The following CEP112 variants were observed in gnomAD, a reference collection of about 807,000 sequenced individuals.
CEP112 encodes the protein centrosomal protein 112, also known as centrosomal protein of 112 kDa.
CEP112 carries 127 observed loss-of-function variants against 153.0 expected under a neutral mutation model. The observed-to-expected ratio is 0.83, with a 90% CI of 0.72 to 0.96. The LOEUF (loss-of-function observed/expected upper bound fraction) is 0.96. Among genes scored for constraint, CEP112 ranks in the 40% least tolerant of loss-of-function variants. CEP112 has a pLI of 0.00. For synonymous variants in CEP112, 358 were observed against 374.4 expected (o/e 0.96, Z 0.51); for missense variants, 1,089 against 1,101.2 (o/e 0.99, Z 0.16).
At chr17:66,162,721 A>G (rs955489453) in intron 4 of CEP112, among the ~76,000 whole-genome samples, 6 of 152,178 alleles carry the variant, frequency 3.9e-5, no homozygotes, top group South Asian at 4.1e-4. Flanking sequence ...AACATAATAC[A>G]GAATAGTGGT....
Position 65,676,106 on chromosome 17 carries a change from G to A in CEP112, c.2697+13023C>T, listed in dbSNP as rs546793874. 7.9e-5 allele frequency among the ~76,000 whole-genome samples: 12 copies of A among 152,272 alleles called. No individual in the cohort carries two copies. The South Asian group carries it at 2.5e-3, about 32-fold the overall frequency. On this transcript the variant is annotated intron_variant, in intron 24 of 26. Coordinates refer to ENST00000535342, the MANE Select transcript of CEP112 (RefSeq NM_001199165.4). ...CACTGCACACTCTGGGAAGCCAGGGGTGGGCAGATCACTTGAGGTCAGGAG... is the reference window on the plus strand; with the variant it reads ...CACTGCACACTCTGGGAAGCCAGGGATGGGCAGATCACTTGAGGTCAGGAG...
rs370026993 is a variant in CEP112 at position 66,157,705 on chromosome 17, C to CAAAA, written c.470+17335_470+17338dup. Reference sequence around the variant, plus strand: ...GAATATTTACCAAGCAAATGGAAAGCAAAAAAAAAAAAAAAAAGCAGGGGT... The same window carrying CAAAA: ...GAATATTTACCAAGCAAATGGAAAGCAAAAAAAAAAAAAAAAAAAAAGCAGGGGT... On this transcript the variant is annotated intron_variant, in intron 4 of 26. Transcript: ENST00000535342. Among the ~76,000 whole-genome samples, 83 of 93,818 alleles carry CAAAA rather than the reference C, an allele frequency of 8.8e-4. 1 individual carries two copies. The highest frequency in any genetic ancestry group is 3.5e-3 in the African/African-American group (74 of 21,446). The allele number at this position is 93,818 out of a possible 152,430, so 61.5% of individuals were successfully genotyped here.
intron 8 of CEP112, among the ~76,000 whole-genome samples, chr17:66,094,785 C>T (rs1425204541): frequency 6.6e-6 from 1 of 152,046 alleles, no homozygotes; most frequent in East Asian, 1.9e-4. Flanking sequence ...ATATATGGAA[C>T]TCAAACAACT....
intron 20 of CEP112, among the ~76,000 whole-genome samples, chr17:65,876,131 A>T (rs547459798): frequency 6.6e-6 from 1 of 152,288 alleles, no homozygotes; most frequent in African/African-American, 2.4e-5. Context: ...GACTCACTGC[A>T]CAGCTATACT....
chr17:65,650,773 G>C (rs1308138311), intron 24 of CEP112, among the ~76,000 whole-genome samples: 1 of 150,768 alleles, frequency 6.6e-6, no homozygotes, highest in Non-Finnish European at 1.5e-5. Flanking sequence ...TGGGCATGGT[G>C]GTGAGTGCCT....
intron 21 of CEP112, among the ~76,000 whole-genome samples, chr17:65,800,004 T>A (rs1336191757): frequency 2.0e-5 from 3 of 152,348 alleles, no homozygotes; most frequent in Non-Finnish European, 4.4e-5. Flanking sequence ...AAACTAAGAA[T>A]AAGAAACTTG....
At chr17:65,669,529 C>T (rs2046860478) in intron 24 of CEP112, among the ~76,000 whole-genome samples, 1 of 152,020 alleles carries the variant, frequency 6.6e-6, no homozygotes, top group Non-Finnish European at 1.5e-5. Context: ...GGAATAGATA[C>T]CAGAAAACAG....
intron 8 of CEP112, among the ~76,000 whole-genome samples, chr17:66,084,819 ATTGT>A (rs1303720472): frequency 1.3e-5 from 2 of 152,192 alleles, no homozygotes; most frequent in Non-Finnish European, 1.5e-5. Flanking sequence ...ATGAGTATAG[ATTGT>A]TTGTAACACA....
rs769061955 is a variant in CEP112 at position 65,961,553 on chromosome 17, C to A, written c.1782G>T (p.Leu594Phe). 2.5e-6 allele frequency: 4 copies of A among 1,613,454 alleles called. 1 individual carries two copies. In the South Asian group the frequency reaches 3.3e-5, roughly 13 times the overall value. ...QLTRVTEVQRLQAQQADAALE... is the reference protein window; with the variant it reads ...QLTRVTEVQRFQAQQADAALE... ...GAGCGGCATCTGCCTGCTGGGCCTGCAACCTCTGAACTTCAGTCACACGAG... is the reference window on the plus strand; with the variant it reads ...GAGCGGCATCTGCCTGCTGGGCCTGAAACCTCTGAACTTCAGTCACACGAG... The change falls in exon 18 of 27, where the codon TTG becomes TTT. Residue 594 changes from leucine (L) to phenylalanine (F), a missense_variant. Leu to Phe is a conservative substitution (Grantham distance 22). Transcript: ENST00000535342.
At chr17:66,129,943 G>T in intron 5 of CEP112, 120 bp from the exon 6 acceptor site, 2 of 503,692 alleles carry the variant, frequency 4.0e-6, no homozygotes, top group East Asian at 3.7e-5. Context: ...AAAGAGGAAG[G>T]AAGTAAAAAA....
intron 24 of CEP112, among the ~76,000 whole-genome samples, chr17:65,658,241 G>C (rs2046159652): frequency 6.6e-6 from 1 of 152,242 alleles, no homozygotes; most frequent in Admixed American, 6.5e-5. Flanking sequence ...CTGGGAGGTG[G>C]AGAAGGGAAT....
At chr17:65,777,882 T>C (rs1377638389) in intron 21 of CEP112, among the ~76,000 whole-genome samples, 1 of 152,178 alleles carries the variant, frequency 6.6e-6, no homozygotes, top group African/African-American at 2.4e-5. Flanking sequence ...GGAACCACCA[T>C]TCTGCCCCAC....
At chr17:65,676,925 G>T (rs964037661) in intron 24 of CEP112, among the ~76,000 whole-genome samples, 1 of 152,072 alleles carries the variant, frequency 6.6e-6, no homozygotes, top group African/African-American at 2.4e-5. Flanking sequence ...GGTTTCAACT[G>T]GGGGAGCCTG....
At chr17:65,865,785 G>A (rs1273933311) in intron 20 of CEP112, among the ~76,000 whole-genome samples, 1 of 152,220 alleles carries the variant, frequency 6.6e-6, no homozygotes, top group Non-Finnish European at 1.5e-5. Flanking sequence ...CCACTCCTGG[G>A]AGGCCCCTGG....
At chr17:66,062,934 G>T in intron 11 of CEP112, 29 bp downstream of exon 11, 2 of 1,133,990 alleles carry the variant, frequency 1.8e-6, no homozygotes, top group Non-Finnish European at 2.6e-6. Context: ...AAACTTTTAT[G>T]TTTTCCATTA....
intron 21 of CEP112, among the ~76,000 whole-genome samples, chr17:65,806,239 C>T (rs539141325): frequency 9.9e-5 from 15 of 152,112 alleles, no homozygotes; most frequent in African/African-American, 3.6e-4. Flanking sequence ...AAAACAATAA[C>T]AAAAACAGTA....
At chr17:65,943,388 C>A (rs2061559729) in intron 18 of CEP112, among the ~76,000 whole-genome samples, 1 of 152,120 alleles carries the variant, frequency 6.6e-6, no homozygotes. Flanking sequence ...ATTACTAACA[C>A]CATAAAAGTT....
At chr17:65,941,826 C>T (rs2061514591) in intron 18 of CEP112, among the ~76,000 whole-genome samples, 1 of 151,702 alleles carries the variant, frequency 6.6e-6, no homozygotes, top group Non-Finnish European at 1.5e-5. Context: ...CTCTGTGGCC[C>T]AGGCTGGAGT....
At chr17:65,931,247 T>A (rs1277671918) in intron 18 of CEP112, among the ~76,000 whole-genome samples, 1 of 152,148 alleles carries the variant, frequency 6.6e-6, no homozygotes, top group African/African-American at 2.4e-5. Context: ...TAGCAACAAT[T>A]CACAGACAAG....
Sources: allele counts gnomAD v4.1 joint callset (sites outside exome capture counted in the v4.1 genomes callset), GRCh38; gene constraint gnomAD v4.1.1; transcripts MANE v1.5; gene names NCBI Gene and HGNC (gene_info 2026-07-23, HGNC 2026-07-21).